Variants in IFNAR2 observed in about 807,000 individuals in gnomAD.
IFNAR2 encodes interferon alpha and beta receptor subunit 2, also known as interferon alpha/beta receptor 2.
A neutral mutation model predicts 49.4 loss-of-function variants in IFNAR2; 30 were observed. The observed-to-expected ratio is 0.61, with a 90% confidence interval of 0.45 to 0.82. The LOEUF is 0.82. Ranked by LOEUF, IFNAR2 falls within the 40% of genes least tolerant of loss-of-function variation. IFNAR2 has a pLI of 0.00. For synonymous variants in IFNAR2, 224 were observed against 234.5 expected, an observed-to-expected ratio of 0.96 and a Z score of 0.41; for missense variants, 600 against 622.7, an observed-to-expected ratio of 0.96 and a Z score of 0.39.
chr21:33,245,020 TAAA>T lies in IFNAR2; in HGVS notation c.171_173del (p.Lys57del). The T allele has an allele frequency of 6.2e-7, 1 of 1,611,048 alleles. No individual in the cohort carries two copies. Among genetic ancestry groups the T allele is most frequent in the Non-Finnish European group, 8.5e-7 (1 of 1,177,258 alleles). On this transcript the variant is annotated inframe_deletion, in exon 4 of 9. Transcript: ENST00000342136. ...TTCCGGTCCATCTTATCATGGGAATTAAAAAACCACTCCATTGTACCAACTCAC... is the reference window on the plus strand; with the variant it reads ...TTCCGGTCCATCTTATCATGGGAATTAAACCACTCCATTGTACCAACTCAC...
chr21:33,245,054 AT>A lies in IFNAR2; in HGVS notation c.203del (p.Leu68CysfsTer6). 7.5e-6 allele frequency: 12 copies of A among 1,610,270 alleles called. No homozygotes were observed. The highest frequency in any genetic ancestry group is 1.0e-5 in the Non-Finnish European group (12 of 1,176,520). On this transcript the variant is annotated frameshift_variant, in exon 4 of 9. Coordinates refer to ENST00000342136, the MANE Select transcript of IFNAR2 (RefSeq NM_001289125.3). LOFTEE classifies it high-confidence loss of function. Reference sequence around the variant, plus strand: ...ACTCCATTGTACCAACTCACTATACATTGCTGTATACAATCATGAGGTTGGT... The same window carrying A: ...ACTCCATTGTACCAACTCACTATACATGCTGTATACAATCATGAGGTTGGT... ...NHSIVPTHYTLLYTIMSKPED... is the reference protein window; with the variant it reads ...NHSIVPTHYTXLYTIMSKPED...
intron 1 of IFNAR2, among the ~76,000 whole-genome samples, chr21:33,235,665 G>A (rs766055529): frequency 6.6e-6 from 1 of 152,180 alleles, no homozygotes; most frequent in Non-Finnish European, 1.5e-5. Flanking sequence ...GGTGGCTAAC[G>A]CCTGTAATCC....
intron 1 of IFNAR2, among the ~76,000 whole-genome samples, chr21:33,231,531 AAGT>A (rs961198741): frequency 1.3e-5 from 2 of 152,232 alleles, no homozygotes; most frequent in African/African-American, 4.8e-5. Flanking sequence ...TCATTTCAAA[AAGT>A]AGTATGAAAA....
At chr21:33,231,642 AT>A in intron 1 of IFNAR2, 1 of 976,204 alleles carries the variant, frequency 1.0e-6, no homozygotes, top group Non-Finnish European at 1.2e-6. Context: ...CATTGGACTC[AT>A]TTTTTCTGCT....
chr21:33,248,998 C>T (rs1455006072), intron 6 of IFNAR2, 144 bp downstream of exon 6: 1 of 629,250 alleles, frequency 1.6e-6, no homozygotes, highest in African/African-American at 1.9e-5. Flanking sequence ...GGGAAGAAGT[C>T]ACTATGGTTC....
chr21:33,246,691 C>T lies in IFNAR2; in HGVS notation c.222-27C>T, dbSNP rs777533293. 1.1e-5 allele frequency: 17 copies of T among 1,594,856 alleles called. No individual in the cohort carries two copies. The East Asian group carries it at 2.0e-4, about 19-fold the overall frequency. ...CTCATTACATCAATGCTAACAATTTCCTTTTTCCATTTTTTTCTTTCCAAA... is the reference window on the plus strand; with the variant it reads ...CTCATTACATCAATGCTAACAATTTTCTTTTTCCATTTTTTTCTTTCCAAA... On this transcript the variant is annotated intron_variant, in intron 4 of 8. Transcript: ENST00000342136.
In IFNAR2 at chr21:33,263,642, C is replaced by A; in HGVS notation, c.*142C>A. The A allele has an allele frequency of 1.4e-6, 1 of 713,898 alleles. No individual in the cohort carries two copies. Among genetic ancestry groups the A allele is most frequent in the Non-Finnish European group, 2.3e-6 (1 of 439,900 alleles). The allele number at this position is 713,898 out of a possible 1,614,324, so 44.2% of individuals were successfully genotyped here. ...TGTGGTGTTCCTTTCTTCCAGGTGA[C>A]ATCACCTATGCACATTCCCAGTATG... On this transcript the variant is annotated 3_prime_UTR_variant, in exon 9 of 9. Transcript: ENST00000342136.
intron 7 of IFNAR2, among the ~76,000 whole-genome samples, chr21:33,259,560 G>C (rs544368661): frequency 6.6e-6 from 1 of 152,326 alleles, no homozygotes; most frequent in South Asian, 2.1e-4. Context: ...TTATATGCAA[G>C]TTGGATGGGT....
At chr21:33,233,339 G>A (rs17860250) in intron 1 of IFNAR2, among the ~76,000 whole-genome samples, 153 of 151,558 alleles carry the variant, frequency 1.0e-3, no homozygotes, top group Admixed American at 1.6e-3. Context: ...TGAAGTCCCA[G>A]ATGTAGAGAA....
chr21:33,244,507 T>A (rs1987239820), intron 3 of IFNAR2, among the ~76,000 whole-genome samples: 1 of 152,014 alleles, frequency 6.6e-6, no homozygotes, highest in South Asian at 2.1e-4. Flanking sequence ...GGAAGGAAAA[T>A]TTGCAGCGGG....
chr21:33,244,788 T>G, intron 3 of IFNAR2, 163 bp from the exon 4 acceptor site: 1 of 168,680 alleles, frequency 5.9e-6, no homozygotes, highest in South Asian at 1.9e-4. Flanking sequence ...CTTACTAATT[T>G]ATTTCCCATG....
chr21:33,250,614 T>A (rs1458785498), intron 6 of IFNAR2, among the ~76,000 whole-genome samples: 2 of 152,176 alleles, frequency 1.3e-5, no homozygotes, highest in Admixed American at 6.5e-5. Flanking sequence ...CTTGGCTCAC[T>A]GCAACCTCCG....
intron 7 of IFNAR2, among the ~76,000 whole-genome samples, chr21:33,259,726 G>A (rs527313202): frequency 6.6e-6 from 1 of 152,272 alleles, no homozygotes; most frequent in South Asian, 2.1e-4. Flanking sequence ...AACTGTCATT[G>A]ATATGACAAT....
At chr21:33,259,595 T>C (rs1286891747) in intron 7 of IFNAR2, among the ~76,000 whole-genome samples, 1 of 152,218 alleles carries the variant, frequency 6.6e-6, no homozygotes, top group Non-Finnish European at 1.5e-5. Context: ...CTCTGTATTA[T>C]GCCATTCCTT....
At chr21:33,242,560 G>A (rs1486924357) in intron 2 of IFNAR2, among the ~76,000 whole-genome samples, 6 of 151,208 alleles carry the variant, frequency 4.0e-5, no homozygotes, top group Non-Finnish European at 7.4e-5. Context: ...GTGAAACCCC[G>A]TCTCTACTAA....
chr21:33,249,916 A>T (rs1372352774), intron 6 of IFNAR2, among the ~76,000 whole-genome samples: 1 of 151,950 alleles, frequency 6.6e-6, no homozygotes, highest in Non-Finnish European at 1.5e-5. Flanking sequence ...GATGAAGAGG[A>T]GGTGAGGTCA....
At chr21:33,262,752 A>G in intron 8 of IFNAR2, 41 bp from the exon 9 acceptor site, 1 of 1,588,678 alleles carries the variant, frequency 6.3e-7, no homozygotes, top group Non-Finnish European at 8.6e-7. Context: ...CAAACAGTAC[A>G]GCTGATACGG....
chr21:33,235,605 T>C (rs912150544), intron 1 of IFNAR2, among the ~76,000 whole-genome samples: 7 of 152,178 alleles, frequency 4.6e-5, no homozygotes, highest in Admixed American at 1.3e-4. Flanking sequence ...ACGTAATGTT[T>C]TTTTGTTTGC....
In IFNAR2 at chr21:33,245,011, C is replaced by A; in HGVS notation, c.158C>A (p.Ser53Ter). 6.2e-7 allele frequency: 1 copy of A among 1,609,206 alleles called. No homozygotes were observed. Among genetic ancestry groups the A allele is most frequent in the South Asian group, 1.1e-5 (1 of 90,978 alleles). Residue 53 changes from serine (S) to a stop codon, truncating the protein, a stop_gained, in exon 4 of 9, where the codon TCA becomes TAA. Transcript: ENST00000342136. LOFTEE classifies it high-confidence loss of function. Reference protein sequence around the residue: ...ISLRNFRSILSWELKNHSIVP... With the variant: ...ISLRNFRSIL The stretch of plus-strand genomic sequence containing the variant: ...TTGCGAAATTTCCGGTCCATCTTAT[C>A]ATGGGAATTAAAAAACCACTCCATT...
Sources: allele counts gnomAD v4.1 joint callset (sites outside exome capture counted in the v4.1 genomes callset), GRCh38; gene constraint gnomAD v4.1.1; transcripts MANE v1.5; gene names NCBI Gene and HGNC (gene_info 2026-07-23, HGNC 2026-07-21).